Variants in ARHGAP20 observed in about 807,000 individuals in gnomAD.
ARHGAP20 encodes the protein Rho GTPase activating protein 20.
ARHGAP20 carries 34 observed loss-of-function variants against 73.7 expected under a neutral mutation model. The ratio of observed to expected loss-of-function variants is 0.46; its 90% CI spans 0.35 to 0.61. The LOEUF is 0.61. ARHGAP20 is among the 20% of genes least tolerant of loss of function. ARHGAP20 has a pLI of 0.00. For missense variants in ARHGAP20, 1,314 were observed against 1,420.9 expected, an observed-to-expected ratio of 0.92 and a Z score of 1.21; for synonymous variants, 523 against 518.2, an observed-to-expected ratio of 1.01 and a Z score of -0.13.
intron 2 of ARHGAP20, among the ~76,000 whole-genome samples, chr11:110,670,263 C>A (rs1258464275): frequency 6.6e-6 from 1 of 151,794 alleles, no homozygotes; most frequent in Non-Finnish European, 1.5e-5. Flanking sequence ...ATAAAGTCAA[C>A]ACAATATAGA....
intron 1 of ARHGAP20, among the ~76,000 whole-genome samples, chr11:110,699,994 G>C (rs535538539): frequency 6.6e-6 from 1 of 152,108 alleles, no homozygotes; most frequent in South Asian, 2.1e-4. Flanking sequence ...TAACAATGCA[G>C]AAAACACTTT....
chr11:110,604,858 C>A (rs1330954781), intron 9 of ARHGAP20, among the ~76,000 whole-genome samples: 2 of 152,110 alleles, frequency 1.3e-5, no homozygotes, highest in African/African-American at 4.8e-5. Context: ...AGGTCATCAA[C>A]AGAAAGTGAC....
intron 2 of ARHGAP20, among the ~76,000 whole-genome samples, chr11:110,685,818 A>G (rs1472846742): frequency 6.6e-6 from 1 of 152,168 alleles, no homozygotes; most frequent in Non-Finnish European, 1.5e-5. Context: ...AAAATATAAA[A>G]TGTCAATAAA....
At chr11:110,691,274 A>C (rs1266281365) in intron 1 of ARHGAP20, among the ~76,000 whole-genome samples, 2 of 152,190 alleles carry the variant, frequency 1.3e-5, no homozygotes, top group Non-Finnish European at 2.9e-5. Flanking sequence ...ATTCGACTTG[A>C]ATTATTCAGA....
In ARHGAP20 at chr11:110,582,391, T is replaced by C. The variant is rs200628680; in HGVS notation, c.1650A>G (p.Ile550Met). 1 of 1,613,940 alleles carries C rather than the reference T, an allele frequency of 6.2e-7. No individual in the cohort carries two copies. The highest frequency in any genetic ancestry group is 1.3e-5 in the African/African-American group (1 of 75,058). ...AGAGGGAAGTGATTTCTTCTCCAAA[T>C]ATCCTAAGGCAATTCTCAATCAGAA... ...IQFLIENCLR[I>M]FGEEITSLFR... Residue 550 changes from isoleucine to methionine, a missense_variant, in exon 14 of 15, where the codon ATA (isoleucine) becomes ATG (methionine). Ile to Met is a conservative substitution (Grantham distance 10, BLOSUM62 1). Around this residue, in one of 3 missense-constraint regions of ARHGAP20, gnomAD observed 230 missense variants for 317.6 expected, o/e 0.72. Coordinates refer to ENST00000683387, the MANE Select transcript of ARHGAP20 (RefSeq NM_001384657.1).
chr11:110,642,979 G>A lies in ARHGAP20; in HGVS notation c.189-12187C>T, dbSNP rs187072537. ...TTCAGAACTCATTGGTCTGCTCAGC[G>A]TTTCAGTTTCTTCCTGGTTCAATCT... On this transcript the variant is annotated intron_variant, in intron 2 of 14. Transcript: ENST00000683387. Among the ~76,000 whole-genome samples the A allele has an allele frequency of 3.2e-3, 482 of 152,046 alleles. 3 individuals carry two copies. Among genetic ancestry groups the A allele is most frequent in the African/African-American group, 0.01 (433 of 41,512 alleles).
chr11:110,593,108 A>C (rs1303964698), intron 9 of ARHGAP20, among the ~76,000 whole-genome samples: 1 of 152,190 alleles, frequency 6.6e-6, no homozygotes, highest in Non-Finnish European at 1.5e-5. Flanking sequence ...AGATTTTAAC[A>C]GATAGAGCAT....
At chr11:110,647,805 T>C (rs922108894) in intron 2 of ARHGAP20, among the ~76,000 whole-genome samples, 1 of 152,018 alleles carries the variant, frequency 6.6e-6, no homozygotes, top group East Asian at 1.9e-4. Context: ...TAATAGAACA[T>C]AAAATCTATT....
chr11:110,624,514 A>C (rs1211313603), intron 3 of ARHGAP20, among the ~76,000 whole-genome samples: 1 of 133,526 alleles, frequency 7.5e-6, no homozygotes, highest in Non-Finnish European at 1.6e-5. Context: ...GGGCCTAATG[A>C]GGGGTGGGGG....
intron 9 of ARHGAP20, among the ~76,000 whole-genome samples, chr11:110,593,588 C>T (rs1053560071): frequency 1.2e-4 from 19 of 152,286 alleles, no homozygotes; most frequent in African/African-American, 3.9e-4. Flanking sequence ...GGCAGGCCCC[C>T]GGGTAATGGG....
At chr11:110,607,227 T>C (rs1591311578) in intron 8 of ARHGAP20, among the ~76,000 whole-genome samples, 1 of 152,228 alleles carries the variant, frequency 6.6e-6, no homozygotes, top group Admixed American at 6.5e-5. Context: ...TAATATTATT[T>C]AACACAAGAT....
intron 9 of ARHGAP20, among the ~76,000 whole-genome samples, chr11:110,598,322 T>C (rs1185810845): frequency 6.6e-6 from 1 of 152,150 alleles, no homozygotes; most frequent in Non-Finnish European, 1.5e-5. Context: ...TGAACCTACT[T>C]TGGGCATAGA....
intron 2 of ARHGAP20, among the ~76,000 whole-genome samples, chr11:110,658,661 A>G (rs976642184): frequency 2.0e-5 from 3 of 152,228 alleles, no homozygotes; most frequent in Non-Finnish European, 2.9e-5. Context: ...CCAGGTTTAC[A>G]TAATGCAAAT....
chr11:110,586,276 T>G lies in ARHGAP20; in HGVS notation c.1355A>C (p.Asp452Ala), dbSNP rs775796516. 1 of 1,577,762 alleles carries G rather than the reference T, an allele frequency of 6.3e-7. No homozygotes were observed. Among genetic ancestry groups the G allele is most frequent in the East Asian group, 2.3e-5 (1 of 43,458 alleles). ...TTGATCCATTACAGAGACCCAGTGA[T>G]CATAGAGATCTGATGAAAAAATACT... ...PGSIFSSDLY[D>A]HWVSVMDQGN... The change falls in exon 12 of 15, where the codon GAT becomes GCT. Residue 452 changes from aspartate to alanine, a missense_variant. Physicochemically the swap from Asp to Ala is moderately radical, Grantham distance 126. Coordinates refer to ENST00000683387, the MANE Select transcript of ARHGAP20 (RefSeq NM_001384657.1).
At position 110,712,108 on chromosome 11, in the gene ARHGAP20, C is replaced by A. The variant is rs768265335; in HGVS notation, c.105+19G>T. On this transcript the variant is annotated intron_variant, in intron 1 of 14. Transcript: ENST00000683387. ...GGCTGCGGCGGCGGAGGGCACGGGC[C>A]CCCGCTCAGCGTCCTCACCTTCTTG... The A allele has an allele frequency of 7.7e-7, 1 of 1,306,344 alleles. No homozygotes were observed. Among genetic ancestry groups the A allele is most frequent in the South Asian group, 2.8e-5 (1 of 35,788 alleles). The allele number at this position is 1,306,344 out of a possible 1,614,324, so 80.9% of individuals were successfully genotyped here. A position where few individuals can be genotyped will look rare whatever the true frequency, so the allele number is the denominator to read the frequency against.
intron 3 of ARHGAP20, among the ~76,000 whole-genome samples, chr11:110,626,674 C>A (rs1020475190): frequency 6.6e-6 from 1 of 152,126 alleles, no homozygotes; most frequent in East Asian, 1.9e-4. Flanking sequence ...CTATAAAGCA[C>A]CTGAAACCCG....
chr11:110,696,224 A>T (rs1849033790), intron 1 of ARHGAP20, among the ~76,000 whole-genome samples: 1 of 151,606 alleles, frequency 6.6e-6, no homozygotes, highest in African/African-American at 2.4e-5. Flanking sequence ...GGTAATGAAA[A>T]TATTCTAAAA....
chr11:110,586,167 A>C, intron 12 of ARHGAP20, 49 bp downstream of exon 12: 5 of 992,248 alleles, frequency 5.0e-6, no homozygotes. Context: ...ATAATCTTAT[A>C]AAATATTTTT....
At chr11:110,685,617 A>C (rs7929139) in intron 2 of ARHGAP20, among the ~76,000 whole-genome samples, 45,979 of 151,924 alleles carry the variant, frequency 0.3, 7,738 homozygotes, top group African/African-American at 0.47. Context: ...TAATTTAAAT[A>C]TTTCTTCCTC....
Sources: allele counts gnomAD v4.1 joint callset (sites outside exome capture counted in the v4.1 genomes callset), GRCh38; gene constraint gnomAD v4.1.1; regional missense constraint gnomAD v4.1.1; transcripts MANE v1.5; gene names NCBI Gene and HGNC (gene_info 2026-07-23, HGNC 2026-07-21).